The following SGCZ variants were observed in gnomAD, a reference collection of about 807,000 sequenced individuals.
SGCZ encodes the protein zeta-sarcoglycan.
A neutral mutation model predicts 41.3 loss-of-function variants in SGCZ; 40 were observed. The ratio of observed to expected loss-of-function variants is 0.97; its 90% CI spans 0.75 to 1.26. The LOEUF is 1.26. Among genes scored for constraint, SGCZ ranks in the 50% most tolerant of loss-of-function variants. The pLI is 0.00. For synonymous variants in SGCZ, 206 were observed against 137.5 expected, an observed-to-expected ratio of 1.50 and a Z score of -3.49; for missense variants, 552 against 369.8, an observed-to-expected ratio of 1.49 and a Z score of -4.04.
intron 3 of SGCZ, among the ~76,000 whole-genome samples, chr8:14,297,364 G>C (rs1052806180): frequency 6.6e-6 from 1 of 151,484 alleles, no homozygotes; most frequent in African/African-American, 2.4e-5. Context: ...TAGCAAAAAA[G>C]GGAGTAAATT....
chr8:14,257,870 A>G (rs114096293), intron 3 of SGCZ, among the ~76,000 whole-genome samples: 1,964 of 152,210 alleles, frequency 0.013, 44 homozygotes, highest in African/African-American at 0.045. Context: ...GTTTCTTTTA[A>G]TTACTGATTA....
chr8:15,221,006 C>A (rs944771492), intron 1 of SGCZ, among the ~76,000 whole-genome samples: 18 of 151,970 alleles, frequency 1.2e-4, no homozygotes, highest in Non-Finnish European at 2.5e-4. Context: ...CACACAGGGG[C>A]CGGTCGTCGG....
intron 2 of SGCZ, among the ~76,000 whole-genome samples, chr8:14,540,998 GTATATA>G (rs1412168382): frequency 6.7e-6 from 1 of 149,968 alleles, no homozygotes; most frequent in African/African-American, 2.4e-5. Context: ...GTATATATAT[GTATATA>G]TAGAGATGAG....
intron 1 of SGCZ, among the ~76,000 whole-genome samples, chr8:14,741,662 C>G (rs1799202386): frequency 6.6e-6 from 1 of 152,018 alleles, no homozygotes; most frequent in South Asian, 2.1e-4. Context: ...ATAAACCATA[C>G]TAGCACAATT....
chr8:14,869,673 T>G (rs989302069), intron 1 of SGCZ, among the ~76,000 whole-genome samples: 3 of 152,172 alleles, frequency 2.0e-5, no homozygotes, highest in African/African-American at 7.2e-5. Flanking sequence ...ATGACATAAA[T>G]GTATATTTAG....
intron 2 of SGCZ, among the ~76,000 whole-genome samples, chr8:14,551,605 ATT>A (rs1803865763): frequency 1.7e-5 from 1 of 59,908 alleles, no homozygotes; most frequent in Non-Finnish European, 2.9e-5. Context: ...TATTATATAT[ATT>A]ATATATATAC....
At chr8:14,233,051 A>C (rs966017915) in intron 4 of SGCZ, among the ~76,000 whole-genome samples, 9 of 152,080 alleles carry the variant, frequency 5.9e-5, no homozygotes, top group African/African-American at 7.2e-5. Context: ...CATTGGGACT[A>C]GAATTTAAAT....
chr8:14,376,632 G>C (rs920214252), intron 2 of SGCZ, among the ~76,000 whole-genome samples: 4 of 151,962 alleles, frequency 2.6e-5, no homozygotes, highest in African/African-American at 9.7e-5. Flanking sequence ...TTGTTCCAGA[G>C]CATAGAAGCT....
chr8:14,167,548 C>A (rs73524151), intron 4 of SGCZ, among the ~76,000 whole-genome samples: 1,961 of 151,378 alleles, frequency 0.013, 54 homozygotes, highest in African/African-American at 0.046. Flanking sequence ...AATAAACTCA[C>A]AATCAACAAA....
At chr8:14,923,333 T>A (rs1799646652) in intron 1 of SGCZ, among the ~76,000 whole-genome samples, 1 of 152,226 alleles carries the variant, frequency 6.6e-6, no homozygotes, top group African/African-American at 2.4e-5. Flanking sequence ...TGCATGTATT[T>A]CTACTAAAAA....
chr8:14,376,409 C>T (rs1186133806), intron 2 of SGCZ, among the ~76,000 whole-genome samples: 1 of 152,114 alleles, frequency 6.6e-6, no homozygotes, highest in Non-Finnish European at 1.5e-5. Flanking sequence ...ATTTTGAACA[C>T]TGTATGCAGA....
chr8:14,643,558 A>C (rs930891445), intron 1 of SGCZ, among the ~76,000 whole-genome samples: 3 of 151,590 alleles, frequency 2.0e-5, no homozygotes, highest in Admixed American at 1.3e-4. Flanking sequence ...AAAAAAGAGA[A>C]GCTTAATCCA....
chr8:14,652,003 G>A (rs1335592794), intron 1 of SGCZ, among the ~76,000 whole-genome samples: 1 of 151,808 alleles, frequency 6.6e-6, no homozygotes, highest in African/African-American at 2.4e-5. Flanking sequence ...TGTTTCCTGT[G>A]ACTTTGGGGA....
intron 2 of SGCZ, among the ~76,000 whole-genome samples, chr8:14,526,577 ATTAT>A (rs1802957025): frequency 6.6e-6 from 1 of 152,106 alleles, no homozygotes. Flanking sequence ...TTGATAGGAA[ATTAT>A]TTACCTTTGA....
chr8:14,288,602 A>G (rs1800727358), intron 3 of SGCZ, among the ~76,000 whole-genome samples: 1 of 152,142 alleles, frequency 6.6e-6, no homozygotes, highest in African/African-American at 2.4e-5. Flanking sequence ...GAAATGCCAT[A>G]TTATGTAATA....
At chr8:14,148,028 C>A (rs1168495197) in intron 5 of SGCZ, among the ~76,000 whole-genome samples, 1 of 151,970 alleles carries the variant, frequency 6.6e-6, no homozygotes, top group Non-Finnish European at 1.5e-5. Flanking sequence ...ACACAACATA[C>A]CAAAACCTAT....
intron 2 of SGCZ, among the ~76,000 whole-genome samples, chr8:14,526,995 T>A (rs538027980): frequency 6.6e-5 from 10 of 152,112 alleles, no homozygotes; most frequent in Admixed American, 2.0e-4. Flanking sequence ...TTTTAAATAT[T>A]TAATATTGAG....
chr8:14,424,852 G>A (rs960870749), intron 2 of SGCZ, among the ~76,000 whole-genome samples: 4 of 152,058 alleles, frequency 2.6e-5, no homozygotes, highest in Non-Finnish European at 5.9e-5. Context: ...CTGATATCCT[G>A]GCTGATTTGA....
intron 4 of SGCZ, among the ~76,000 whole-genome samples, chr8:14,186,221 T>A (rs905166948): frequency 6.6e-6 from 1 of 152,168 alleles, no homozygotes; most frequent in African/African-American, 2.4e-5. Flanking sequence ...AAAACAACAA[T>A]TTAATGTTTC....
Sources: gnomAD v4.1 joint callset for allele counts (sites outside exome capture counted in the v4.1 genomes callset) on GRCh38, gnomAD v4.1.1 for gene constraint, MANE v1.5 for transcripts, NCBI Gene and HGNC (gene_info 2026-07-23, HGNC 2026-07-21) for gene names.